PCSK2: variants seen among roughly 807,000 people sequenced by gnomAD.
The protein encoded by PCSK2 is neuroendocrine convertase 2.
Under a neutral mutation model 69.7 loss-of-function variants are expected in PCSK2, and 14 were observed. The observed-to-expected ratio is 0.20, with a 90% CI of 0.13 to 0.31. The LOEUF (loss-of-function observed/expected upper bound fraction) is 0.31. Among genes scored for constraint, PCSK2 ranks in the 10% least tolerant of loss-of-function variants. The pLI is 1.00. For synonymous variants in PCSK2, 307 were observed against 320.7 expected, an observed-to-expected ratio of 0.96 and a Z score of 0.46; for missense variants, 544 against 842.5, an observed-to-expected ratio of 0.65 and a Z score of 4.39.
intron 2 of PCSK2, among the ~76,000 whole-genome samples, chr20:17,324,930 A>G (rs1295389018): frequency 3.3e-5 from 5 of 152,064 alleles, no homozygotes; most frequent in African/African-American, 1.2e-4. Context: ...CAGCCCTACC[A>G]GGCTTTGTGC....
intron 8 of PCSK2, among the ~76,000 whole-genome samples, chr20:17,442,395 T>TTGTGGTCCTTCG (rs2032616471): frequency 6.6e-6 from 1 of 151,656 alleles, no homozygotes; most frequent in Non-Finnish European, 1.5e-5. Context: ...GTGGTCCTTC[T>TTGTGGTCCTTCG]GTAGCAGCCC....
At position 17,383,263 on chromosome 20, in the gene PCSK2, C is replaced by T. The variant is rs1360582328; in HGVS notation, c.543+13986C>T. Among the ~76,000 whole-genome samples the T allele has an allele frequency of 2.6e-5, 4 of 152,320 alleles. 1 individual carries two copies. In the South Asian group the frequency reaches 8.3e-4, roughly 32 times the overall value. ...CTCCTATCTCTGTCTTTTTGCTATG[C>T]TTCTCCTTATTTATACCTCAGTCAA... On this transcript the variant is annotated intron_variant, in intron 5 of 11. Coordinates refer to ENST00000262545, the MANE Select transcript of PCSK2 (RefSeq NM_002594.5).
At chr20:17,284,142 T>C (rs940475334) in intron 2 of PCSK2, among the ~76,000 whole-genome samples, 3 of 152,214 alleles carry the variant, frequency 2.0e-5, no homozygotes, top group African/African-American at 7.2e-5. Context: ...CTGAGTACTG[T>C]GTGAGATGGC....
Position 17,416,796 on chromosome 20 carries a change from G to A in PCSK2, c.620+7457G>A, listed in dbSNP as rs557254204. Among the ~76,000 whole-genome samples the A allele has an allele frequency of 2.6e-5, 4 of 152,286 alleles. No individual in the cohort carries two copies. The East Asian group carries it at 7.7e-4, about 29-fold the overall frequency. ...CCAAATGTCCATCAATGATAGACTGGATTAAGAAAATGTGGCACATATACA... is the reference window on the plus strand; with the variant it reads ...CCAAATGTCCATCAATGATAGACTGAATTAAGAAAATGTGGCACATATACA... On this transcript the variant is annotated intron_variant, in intron 6 of 11. Coordinates refer to ENST00000262545, the MANE Select transcript of PCSK2 (RefSeq NM_002594.5).
At chr20:17,388,392 T>C (rs2031290473) in intron 5 of PCSK2, among the ~76,000 whole-genome samples, 1 of 151,942 alleles carries the variant, frequency 6.6e-6, no homozygotes, top group African/African-American at 2.4e-5. Context: ...AGGAGAAAGA[T>C]TATTTGCCAA....
chr20:17,449,021 C>T (rs1467680461), intron 8 of PCSK2, among the ~76,000 whole-genome samples: 1 of 152,138 alleles, frequency 6.6e-6, no homozygotes, highest in Non-Finnish European at 1.5e-5. Flanking sequence ...GTGTGCCTCA[C>T]CACGCCAAGC....
chr20:17,263,473 G>C (rs987709444), intron 2 of PCSK2, among the ~76,000 whole-genome samples: 2 of 152,178 alleles, frequency 1.3e-5, no homozygotes, highest in Non-Finnish European at 2.9e-5. Flanking sequence ...TAATATCTTT[G>C]CACAGTGAGA....
At chr20:17,472,404 T>C (rs890827126) in intron 11 of PCSK2, among the ~76,000 whole-genome samples, 40 of 152,200 alleles carry the variant, frequency 2.6e-4, no homozygotes, top group African/African-American at 8.7e-4. Context: ...CACAAGTTCA[T>C]GCCCACCTGA....
At chr20:17,377,492 G>T (rs1030966277) in intron 5 of PCSK2, among the ~76,000 whole-genome samples, 1 of 152,184 alleles carries the variant, frequency 6.6e-6, no homozygotes, top group East Asian at 1.9e-4. Flanking sequence ...GCAAGAAACC[G>T]GCACAGTACT....
Position 17,481,592 on chromosome 20 carries a change from C to T in PCSK2, c.1439C>T (p.Pro480Leu), listed in dbSNP as rs755466922. The change falls in exon 12 of 12, where the codon CCA (proline) becomes CTA (leucine). Residue 480 changes from proline to leucine, a missense_variant. Transcript: ENST00000262545. ...GGSVQDPEKI[P>L]STGKLVLTLT... Reference sequence around the variant, plus strand: ...CTTCACTCTGCCCTCAGGAAAATACCATCCACTGGCAAGTTGGTGCTGACA... The same window carrying T: ...CTTCACTCTGCCCTCAGGAAAATACTATCCACTGGCAAGTTGGTGCTGACA... 4 of 1,613,614 alleles carry T rather than the reference C, an allele frequency of 2.5e-6. No individual in the cohort carries two copies. Among genetic ancestry groups the T allele is most frequent in the Non-Finnish European group, 3.4e-6 (4 of 1,179,776 alleles).
At chr20:17,291,887 G>A (rs906823437) in intron 2 of PCSK2, among the ~76,000 whole-genome samples, 2 of 151,968 alleles carry the variant, frequency 1.3e-5, no homozygotes, top group Non-Finnish European at 2.9e-5. Context: ...TTCCAATCTC[G>A]AGATCACAAA....
intron 2 of PCSK2, among the ~76,000 whole-genome samples, chr20:17,275,397 C>G (rs1055887268): frequency 2.0e-5 from 3 of 152,042 alleles, no homozygotes; most frequent in Non-Finnish European, 4.4e-5. Flanking sequence ...CAGGTAACCA[C>G]TTAGTTTTAT....
At chr20:17,402,956 C>CAAAAA (rs1026767768) in intron 5 of PCSK2, among the ~76,000 whole-genome samples, 7 of 135,930 alleles carry the variant, frequency 5.1e-5, no homozygotes, top group Non-Finnish European at 1.1e-4. Context: ...GACTCCGTCT[C>CAAAAA]AAAAAAAAAA....
chr20:17,254,557 A>G (rs773502321), intron 1 of PCSK2, among the ~76,000 whole-genome samples: 1 of 152,222 alleles, frequency 6.6e-6, no homozygotes, highest in Non-Finnish European at 1.5e-5. Flanking sequence ...CCATTAAACT[A>G]CTATATGTCT....
chr20:17,480,169 C>A (rs947990632), intron 11 of PCSK2, among the ~76,000 whole-genome samples: 1 of 145,342 alleles, frequency 6.9e-6, no homozygotes, highest in Non-Finnish European at 1.5e-5. Context: ...ATTAATTTAC[C>A]CATTTTCAGC....
intron 1 of PCSK2, among the ~76,000 whole-genome samples, chr20:17,236,046 C>G (rs1387688612): frequency 1.3e-5 from 2 of 151,972 alleles, no homozygotes; most frequent in Non-Finnish European, 2.9e-5. Context: ...TTAATTATCT[C>G]AAATCTCATT....
At chr20:17,301,895 C>A (rs1989096375) in intron 2 of PCSK2, among the ~76,000 whole-genome samples, 1 of 152,092 alleles carries the variant, frequency 6.6e-6, no homozygotes, top group African/African-American at 2.4e-5. Context: ...CATGCCATTG[C>A]ACTTCAGCCT....
At chr20:17,238,347 G>A (rs1986422349) in intron 1 of PCSK2, among the ~76,000 whole-genome samples, 1 of 152,124 alleles carries the variant, frequency 6.6e-6, no homozygotes, top group African/African-American at 2.4e-5. Flanking sequence ...AATCAAGTCT[G>A]CATTACTCTA....
intron 2 of PCSK2, among the ~76,000 whole-genome samples, chr20:17,350,955 G>T (rs546202249): frequency 6.6e-6 from 1 of 151,440 alleles, no homozygotes; most frequent in Non-Finnish European, 1.5e-5. Context: ...CAAGAGAATC[G>T]CTTGAACCTG....
Sources: gnomAD v4.1 joint callset for allele counts (sites outside exome capture counted in the v4.1 genomes callset) on GRCh38, gnomAD v4.1.1 for gene constraint, MANE v1.5 for transcripts, NCBI Gene and HGNC (gene_info 2026-07-23, HGNC 2026-07-21) for gene names.